The following MAGI2 variants were observed in gnomAD, a reference collection of about 807,000 sequenced individuals.
The protein encoded by MAGI2 is membrane-associated guanylate kinase, WW and PDZ domain-containing protein 2.
MAGI2 carries 35 observed loss-of-function variants against 133.3 expected under a neutral mutation model. The observed-to-expected ratio is 0.26, with a 90% CI of 0.20 to 0.35. The LOEUF (loss-of-function observed/expected upper bound fraction) is 0.35. Ranked by LOEUF, MAGI2 falls within the 10% of genes least tolerant of loss-of-function variation. MAGI2 has a pLI of 1.00. For synonymous variants in MAGI2, 729 were observed against 710.6 expected (o/e 1.03, Z -0.41); for missense variants, 1,636 against 1,863.4 (o/e 0.88, Z 2.25).
intron 1 of MAGI2, among the ~76,000 whole-genome samples, chr7:79,133,486 C>A (rs188061647): frequency 1.2e-3 from 186 of 152,264 alleles, no homozygotes; most frequent in African/African-American, 4.4e-3. Context: ...TTTCTGGGAT[C>A]TCTGTTCTGT....
chr7:78,384,408 A>G (rs1795198928), intron 6 of MAGI2, among the ~76,000 whole-genome samples: 1 of 152,208 alleles, frequency 6.6e-6, no homozygotes, highest in Non-Finnish European at 1.5e-5. Flanking sequence ...ATTACAATTT[A>G]TAATATATGC....
intron 1 of MAGI2, among the ~76,000 whole-genome samples, chr7:79,357,312 G>A (rs1466995448): frequency 1.3e-5 from 2 of 152,090 alleles, no homozygotes; most frequent in Non-Finnish European, 2.9e-5. Flanking sequence ...TGTGAGTTTT[G>A]CTCACTGAAC....
chr7:79,271,680 T>TG (rs1563066261), intron 1 of MAGI2, among the ~76,000 whole-genome samples: 6 of 151,684 alleles, frequency 4.0e-5, no homozygotes, highest in South Asian at 2.1e-4. Flanking sequence ...TTTTTTTTTT[T>TG]TGTGAAGACT....
At chr7:79,426,799 T>C (rs937343465) in intron 1 of MAGI2, among the ~76,000 whole-genome samples, 1 of 152,204 alleles carries the variant, frequency 6.6e-6, no homozygotes, top group African/African-American at 2.4e-5. Context: ...ACATGAGTGA[T>C]ATCTTGAGCT....
rs377423738 is a variant in MAGI2 at position 78,856,911 on chromosome 7, G to A, written c.418+150179C>T. ...ATGGAATGTTCTTCCATTTGTTTGTGTCCTCTTTTATTTTGTTGAGCAGTG... is the reference window on the plus strand; with the variant it reads ...ATGGAATGTTCTTCCATTTGTTTGTATCCTCTTTTATTTTGTTGAGCAGTG... On this transcript the variant is annotated intron_variant, in intron 2 of 21. Coordinates refer to ENST00000354212, the MANE Select transcript of MAGI2 (RefSeq NM_012301.4). Among the ~76,000 whole-genome samples, 24 of 152,120 alleles carry A rather than the reference G, an allele frequency of 1.6e-4. No individual in the cohort carries two copies. The East Asian group carries it at 1.7e-3, about 11-fold the overall frequency.
At chr7:78,175,666 G>C (rs1035664434) in intron 14 of MAGI2, among the ~76,000 whole-genome samples, 2 of 152,194 alleles carry the variant, frequency 1.3e-5, no homozygotes, top group Admixed American at 1.3e-4. Flanking sequence ...TGTGGAGACT[G>C]TTCCCTTAGA....
At chr7:78,760,207 A>G (rs1253213662) in intron 2 of MAGI2, among the ~76,000 whole-genome samples, 1 of 152,090 alleles carries the variant, frequency 6.6e-6, no homozygotes, top group Non-Finnish European at 1.5e-5. Flanking sequence ...TATAACCTGT[A>G]TTTTTTTCAT....
At chr7:78,999,208 G>C (rs1806614110) in intron 2 of MAGI2, among the ~76,000 whole-genome samples, 1 of 152,022 alleles carries the variant, frequency 6.6e-6, no homozygotes, top group South Asian at 2.1e-4. Flanking sequence ...AGGAAAGATT[G>C]TGTCACAGCA....
chr7:78,531,018 A>T (rs1394790394), intron 3 of MAGI2, among the ~76,000 whole-genome samples: 1 of 152,134 alleles, frequency 6.6e-6, no homozygotes, highest in Non-Finnish European at 1.5e-5. Flanking sequence ...CCTGAGTAGT[A>T]AGGGCTCCTG....
At chr7:78,229,477 A>G (rs1383343935) in intron 10 of MAGI2, among the ~76,000 whole-genome samples, 1 of 152,182 alleles carries the variant, frequency 6.6e-6, no homozygotes, top group Non-Finnish European at 1.5e-5. Flanking sequence ...TAGCTGAGGA[A>G]GAAACCACAT....
intron 1 of MAGI2, among the ~76,000 whole-genome samples, chr7:79,364,170 C>T (rs1842543551): frequency 6.6e-6 from 1 of 151,946 alleles, no homozygotes; most frequent in African/African-American, 2.4e-5. Context: ...TTATAAAAAA[C>T]AGTACAGAGG....
chr7:78,822,802 A>G (rs1373386490), intron 2 of MAGI2, among the ~76,000 whole-genome samples: 3 of 152,204 alleles, frequency 2.0e-5, no homozygotes, highest in African/African-American at 4.8e-5. Context: ...GCAAATGCTA[A>G]GTTTTCTTGT....
chr7:79,055,049 C>A (rs1025531858), intron 1 of MAGI2, among the ~76,000 whole-genome samples: 1 of 152,220 alleles, frequency 6.6e-6, no homozygotes, highest in Non-Finnish European at 1.5e-5. Flanking sequence ...CCACCTTGGC[C>A]TCCCAAAGTG....
At chr7:78,172,017 C>T (rs1238083330) in intron 14 of MAGI2, among the ~76,000 whole-genome samples, 2 of 152,110 alleles carry the variant, frequency 1.3e-5, no homozygotes, top group Non-Finnish European at 2.9e-5. Context: ...TTTCAATTGC[C>T]TTCTCTAAAA....
chr7:78,343,457 A>T (rs1360950168), intron 9 of MAGI2, among the ~76,000 whole-genome samples: 1 of 152,244 alleles, frequency 6.6e-6, no homozygotes, highest in Non-Finnish European at 1.5e-5. Flanking sequence ...AATATAAGTT[A>T]GAAAAGTGTG....
At chr7:78,296,299 A>G (rs944579500) in intron 9 of MAGI2, among the ~76,000 whole-genome samples, 2 of 152,156 alleles carry the variant, frequency 1.3e-5, no homozygotes, top group African/African-American at 2.4e-5. Flanking sequence ...ACCCTAATTC[A>G]TGTTCCCTAA....
chr7:78,287,304 T>C (rs1396183855), intron 9 of MAGI2, among the ~76,000 whole-genome samples: 1 of 152,180 alleles, frequency 6.6e-6, no homozygotes, highest in African/African-American at 2.4e-5. Context: ...TTTTGAGAGC[T>C]AGTGTTAAGG....
intron 1 of MAGI2, among the ~76,000 whole-genome samples, chr7:79,194,704 T>G (rs1420576841): frequency 1.3e-5 from 2 of 151,866 alleles, no homozygotes; most frequent in African/African-American, 4.8e-5. Context: ...CTAGCTTTTT[T>G]GATGTCTCAG....
chr7:79,030,613 CAGTG>C (rs747656728), intron 1 of MAGI2, among the ~76,000 whole-genome samples: 2 of 152,146 alleles, frequency 1.3e-5, no homozygotes, highest in African/African-American at 2.4e-5. Context: ...TTTAAGTAGA[CAGTG>C]GGTGGATGAA....
Sources: allele counts gnomAD v4.1 joint callset (sites outside exome capture counted in the v4.1 genomes callset), GRCh38; gene constraint gnomAD v4.1.1; transcripts MANE v1.5; gene names NCBI Gene and HGNC (gene_info 2026-07-23, HGNC 2026-07-21).